The following CSGALNACT1 variants were observed in gnomAD, a reference collection of about 807,000 sequenced individuals.
CSGALNACT1 encodes the protein chondroitin sulfate N-acetylgalactosaminyltransferase 1.
Under a neutral mutation model 51.0 loss-of-function variants are expected in CSGALNACT1, and 52 were observed. That is an observed-to-expected ratio of 1.02 (90% CI 0.82 to 1.29). CSGALNACT1 has a LOEUF of 1.29. Ranked by LOEUF, CSGALNACT1 falls within the 50% of genes most tolerant of loss-of-function variation. The pLI, the probability that CSGALNACT1 is intolerant of heterozygous loss-of-function variation, is 0.00. For synonymous variants in CSGALNACT1, 341 were observed against 254.4 expected, an observed-to-expected ratio of 1.34 and a Z score of -3.24; for missense variants, 935 against 679.2, an observed-to-expected ratio of 1.38 and a Z score of -4.19.
At chr8:19,739,685 G>T (rs905530628) in intron 1 of CSGALNACT1, among the ~76,000 whole-genome samples, 1 of 152,146 alleles carries the variant, frequency 6.6e-6, no homozygotes, top group Admixed American at 6.5e-5. Context: ...TGCCTGGAAC[G>T]TGATGTGATG....
intron 1 of CSGALNACT1, among the ~76,000 whole-genome samples, chr8:19,619,694 G>GT (rs553490003): frequency 3.3e-5 from 5 of 152,170 alleles, no homozygotes; most frequent in Non-Finnish European, 7.3e-5. Flanking sequence ...TCAAAACACA[G>GT]TTTTGAACTG....
chr8:19,671,836 ACTTATT>A (rs1378668499), intron 1 of CSGALNACT1, among the ~76,000 whole-genome samples: 18 of 152,214 alleles, frequency 1.2e-4, no homozygotes, highest in African/African-American at 4.1e-4. Context: ...CTTTTTTCCC[ACTTATT>A]ATATAATGAG....
intron 1 of CSGALNACT1, among the ~76,000 whole-genome samples, chr8:19,642,868 G>C (rs1174829808): frequency 6.6e-6 from 1 of 151,136 alleles, no homozygotes; most frequent in East Asian, 1.9e-4. Context: ...TCAGTCAAAA[G>C]ATTATCTATA....
intron 1 of CSGALNACT1, among the ~76,000 whole-genome samples, chr8:19,634,385 C>A (rs1031732665): frequency 1.3e-5 from 2 of 152,026 alleles, no homozygotes; most frequent in African/African-American, 4.8e-5. Flanking sequence ...TACAAGAGGC[C>A]AGGTGTGGTG....
At chr8:19,524,658 A>G (rs2081332030) in intron 3 of CSGALNACT1, among the ~76,000 whole-genome samples, 1 of 152,148 alleles carries the variant, frequency 6.6e-6, no homozygotes, top group Non-Finnish European at 1.5e-5. Context: ...TGGTGAGTCT[A>G]AGGAGGCTTC....
chr8:19,714,935 G>A (rs375116953), intron 1 of CSGALNACT1, among the ~76,000 whole-genome samples: 3 of 152,122 alleles, frequency 2.0e-5, no homozygotes, highest in African/African-American at 7.2e-5. Context: ...CTACCCTCAA[G>A]TGGGCCCCAG....
chr8:19,463,988 T>G (rs1428436490), intron 4 of CSGALNACT1, among the ~76,000 whole-genome samples: 1 of 152,090 alleles, frequency 6.6e-6, no homozygotes, highest in East Asian at 1.9e-4. Context: ...CTGAGGACCT[T>G]GACAAGGGAT....
At position 19,738,495 on chromosome 8, in the gene CSGALNACT1, T is replaced by C. The variant is rs572808585; in HGVS notation, c.-297+19355A>G. On this transcript the variant is annotated intron_variant, in intron 1 of 1. Transcript: ENST00000517494. The stretch of plus-strand genomic sequence containing the variant: ...TGGAGGATGAAGGAATGAGGAATTA[T>C]AGTTAAATAGGTATGAGTTTCAGTT... Among the ~76,000 whole-genome samples, 75 of 152,290 alleles carry C rather than the reference T, an allele frequency of 4.9e-4. 1 individual carries two copies. The highest frequency in any genetic ancestry group is 1.8e-3 in the African/African-American group (73 of 41,562).
rs371009769 is a variant in CSGALNACT1 at position 19,699,608 on chromosome 8, TA to T, written c.-297+58241del. 7.9e-5 allele frequency among the ~76,000 whole-genome samples: 12 copies of T among 152,292 alleles called. 2 individuals carry two copies. The highest frequency in any genetic ancestry group is 2.9e-4 in the African/African-American group (12 of 41,554). On this transcript the variant is annotated intron_variant, in intron 1 of 1. Coordinates refer to the CSGALNACT1 transcript ENST00000517494. Reference sequence around the variant, plus strand: ...TAGTCAGGTCCATTGAGCTAGAAAGTAAAATTACAGTTGCCAGGAGATGGTT... The same window carrying T: ...TAGTCAGGTCCATTGAGCTAGAAAGTAAATTACAGTTGCCAGGAGATGGTT...
At chr8:19,485,549 C>G (rs2072667127) in intron 4 of CSGALNACT1, among the ~76,000 whole-genome samples, 1 of 152,062 alleles carries the variant, frequency 6.6e-6, no homozygotes, top group African/African-American at 2.4e-5. Flanking sequence ...GCTTTCTTCC[C>G]TAAGGGCTAA....
chr8:19,585,635 A>T (rs772365689), intron 3 of CSGALNACT1, among the ~76,000 whole-genome samples: 17 of 152,112 alleles, frequency 1.1e-4, no homozygotes, highest in Admixed American at 9.2e-4. Flanking sequence ...AAAACCCATT[A>T]ATCTTACTGT....
intron 1 of CSGALNACT1, among the ~76,000 whole-genome samples, chr8:19,638,273 G>A (rs1390900818): frequency 6.6e-6 from 1 of 152,186 alleles, no homozygotes; most frequent in East Asian, 1.9e-4. Flanking sequence ...TGCCCTCCCT[G>A]CCTCAACTGT....
chr8:19,547,999 A>T (rs1554690948), intron 3 of CSGALNACT1, among the ~76,000 whole-genome samples: 1 of 152,206 alleles, frequency 6.6e-6, no homozygotes, highest in Non-Finnish European at 1.5e-5. Context: ...GTATTAAGTG[A>T]TTCATACGAG....
At chr8:19,648,012 G>A (rs2057433079) in intron 1 of CSGALNACT1, among the ~76,000 whole-genome samples, 1 of 152,176 alleles carries the variant, frequency 6.6e-6, no homozygotes, top group East Asian at 1.9e-4. Flanking sequence ...TGCTGCAAGT[G>A]GAAAGTAAAT....
chr8:19,590,266 C>T (rs2047521634), intron 3 of CSGALNACT1, among the ~76,000 whole-genome samples: 1 of 152,182 alleles, frequency 6.6e-6, no homozygotes, highest in Non-Finnish European at 1.5e-5. Flanking sequence ...TACGCTGAGG[C>T]ATCAAAGGGA....
intron 1 of CSGALNACT1, among the ~76,000 whole-genome samples, chr8:19,619,881 C>CA (rs905555380): frequency 2.6e-5 from 4 of 152,118 alleles, no homozygotes; most frequent in African/African-American, 9.7e-5. Context: ...GTCATGGTGC[C>CA]AGATTAACTC....
chr8:19,530,690 C>T (rs1336668476), intron 3 of CSGALNACT1, among the ~76,000 whole-genome samples: 1 of 152,114 alleles, frequency 6.6e-6, no homozygotes, highest in Non-Finnish European at 1.5e-5. Flanking sequence ...ATGATTGTGC[C>T]ACTGCCCTTC....
At chr8:19,549,059 C>T (rs1326806271) in intron 3 of CSGALNACT1, among the ~76,000 whole-genome samples, 1 of 152,074 alleles carries the variant, frequency 6.6e-6, no homozygotes, top group East Asian at 1.9e-4. Context: ...TCAAGTAGTC[C>T]TCCTGCCTCA....
chr8:19,475,764 G>A (rs1489652108), intron 4 of CSGALNACT1, among the ~76,000 whole-genome samples: 1 of 152,210 alleles, frequency 6.6e-6, no homozygotes, highest in Non-Finnish European at 1.5e-5. Context: ...TTTTGGTCAC[G>A]CTAAACTCCT....
Sources: allele counts gnomAD v4.1 joint callset (sites outside exome capture counted in the v4.1 genomes callset), GRCh38; gene constraint gnomAD v4.1.1; transcripts MANE v1.5; gene names NCBI Gene and HGNC (gene_info 2026-07-23, HGNC 2026-07-21).